Variants in SMYD3 observed in about 807,000 individuals in gnomAD.
SMYD3 encodes the protein SET and MYND domain containing 3.
SMYD3 carries 36 observed loss-of-function variants against 57.7 expected under a neutral mutation model. That is an observed-to-expected ratio of 0.62 (90% CI 0.48 to 0.82). SMYD3 has a LOEUF of 0.82. Ranked by LOEUF, SMYD3 falls within the 40% of genes least tolerant of loss-of-function variation. SMYD3 has a pLI of 0.00. For missense variants in SMYD3, 515 were observed against 538.8 expected (o/e 0.96, Z 0.44); for synonymous variants, 211 against 195.0 (o/e 1.08, Z -0.68).
chr1:246,022,178 A>G (rs549416467), intron 5 of SMYD3, among the ~76,000 whole-genome samples: 6 of 152,358 alleles, frequency 3.9e-5, no homozygotes, highest in Admixed American at 3.9e-4. Flanking sequence ...GTCCCTCTAC[A>G]GAGAGGCCAT....
At chr1:246,225,061 A>G (rs773323050) in intron 5 of SMYD3, among the ~76,000 whole-genome samples, 1 of 151,760 alleles carries the variant, frequency 6.6e-6, no homozygotes, top group Non-Finnish European at 1.5e-5. Flanking sequence ...TTTTTTTAGT[A>G]TATTGGCATC....
At chr1:246,078,657 G>C (rs2060586447) in intron 5 of SMYD3, among the ~76,000 whole-genome samples, 1 of 152,198 alleles carries the variant, frequency 6.6e-6, no homozygotes, top group Non-Finnish European at 1.5e-5. Flanking sequence ...ACAACTGCAA[G>C]CACAGAAGCC....
chr1:246,119,553 C>T (rs1430521156), intron 5 of SMYD3, among the ~76,000 whole-genome samples: 2 of 152,038 alleles, frequency 1.3e-5, no homozygotes, highest in Non-Finnish European at 2.9e-5. Context: ...GCTGAGACTA[C>T]AGGCATATGC....
chr1:246,419,758 T>C (rs2067115219), intron 1 of SMYD3, among the ~76,000 whole-genome samples: 1 of 152,248 alleles, frequency 6.6e-6, no homozygotes, highest in African/African-American at 2.4e-5. Flanking sequence ...ATGCTCCTTA[T>C]GAGAATCTAA....
chr1:246,462,732 TTAGA>T (rs897984381), intron 1 of SMYD3, among the ~76,000 whole-genome samples: 2 of 152,156 alleles, frequency 1.3e-5, no homozygotes, highest in African/African-American at 4.8e-5. Context: ...CAGAGAAATC[TTAGA>T]TAGCTCACTC....
intron 5 of SMYD3, among the ~76,000 whole-genome samples, chr1:246,050,011 AG>A (rs1277063372): frequency 9.2e-5 from 14 of 152,260 alleles, no homozygotes; most frequent in African/African-American, 3.1e-4. Flanking sequence ...AGTACCATTT[AG>A]TATTAGTCTG....
chr1:246,021,399 C>T (rs2059468574), intron 5 of SMYD3, among the ~76,000 whole-genome samples: 1 of 152,108 alleles, frequency 6.6e-6, no homozygotes, highest in Admixed American at 6.5e-5. Flanking sequence ...TCCTGATCAC[C>T]CACACTGCGC....
chr1:245,753,638 A>G (rs1302877700), intron 11 of SMYD3, among the ~76,000 whole-genome samples: 1 of 145,036 alleles, frequency 6.9e-6, no homozygotes, highest in Non-Finnish European at 1.5e-5. Flanking sequence ...TGGGGCAGAC[A>G]GTCCTCAACG....
chr1:246,343,721 G>A (rs934536814), intron 2 of SMYD3, among the ~76,000 whole-genome samples: 2 of 152,178 alleles, frequency 1.3e-5, no homozygotes, highest in Admixed American at 1.3e-4. Context: ...TGTTGAATTT[G>A]ATGCTAAGAT....
chr1:245,939,729 G>A (rs1324091173), intron 5 of SMYD3, among the ~76,000 whole-genome samples: 1 of 152,178 alleles, frequency 6.6e-6, no homozygotes. Flanking sequence ...CTCTTCTCTA[G>A]TGTCTGCCTT....
chr1:245,795,716 C>T (rs1478294166), intron 10 of SMYD3, among the ~76,000 whole-genome samples: 1 of 152,162 alleles, frequency 6.6e-6, no homozygotes, highest in African/African-American at 2.4e-5. Context: ...GCTATCTCTT[C>T]AGTTCTCTGG....
chr1:246,003,128 T>C lies in SMYD3; in HGVS notation c.532-73191A>G, dbSNP rs551678366. Among the ~76,000 whole-genome samples the C allele has an allele frequency of 6.1e-4, 93 of 152,176 alleles. 1 individual carries two copies. Among genetic ancestry groups the C allele is most frequent in the African/African-American group, 2.2e-3 (91 of 41,502 alleles). On this transcript the variant is annotated intron_variant, in intron 5 of 11. Coordinates refer to ENST00000490107, the MANE Select transcript of SMYD3 (RefSeq NM_001167740.2). ...ATGGAAGAGGCGGAGGGAAAGACGG[T>C]AAAGGGGCGAAGAAATGCCAAGTGA...
At chr1:246,208,749 T>C (rs148559195) in intron 5 of SMYD3, among the ~76,000 whole-genome samples, 4 of 152,266 alleles carry the variant, frequency 2.6e-5, no homozygotes, top group Admixed American at 1.3e-4. Context: ...GGCACTTCCA[T>C]AGCATCCAAG....
intron 10 of SMYD3, among the ~76,000 whole-genome samples, chr1:245,821,728 T>C: frequency 6.6e-6 from 1 of 151,798 alleles, no homozygotes; most frequent in Admixed American, 6.6e-5. Flanking sequence ...CATCAAAAAG[T>C]GGGCAAAGGA....
At chr1:245,785,657 G>A (rs2047008304) in intron 10 of SMYD3, among the ~76,000 whole-genome samples, 1 of 151,976 alleles carries the variant, frequency 6.6e-6, no homozygotes, top group Admixed American at 6.6e-5. Flanking sequence ...GAGAGAGAGA[G>A]AGAGTGCGTG....
In SMYD3 at chr1:245,749,613, C is replaced by T. The variant is rs543248634; in HGVS notation, c.1237G>A (p.Asp413Asn). 1 of 1,614,068 alleles carries T rather than the reference C, an allele frequency of 6.2e-7. No homozygotes were observed. The highest frequency in any genetic ancestry group is 1.3e-5 in the African/African-American group (1 of 74,924). The change falls in exon 12 of 12, where the codon GAT (aspartate) becomes AAT (asparagine). Residue 413 changes from aspartate (D) to asparagine (N), a missense_variant. Asp to Asn is a conservative substitution (Grantham distance 23, BLOSUM62 1). Transcript: ENST00000490107. ...THGREHSLIE[D>N]LILLLEECDA... ...CATTCTTCTAAAAGTAGAATCAAAT[C>T]TTCAATCAGGCTGTGTTCTCTGCCA...
At chr1:245,924,693 C>A (rs1334701394) in intron 7 of SMYD3, among the ~76,000 whole-genome samples, 1 of 139,420 alleles carries the variant, frequency 7.2e-6, no homozygotes, top group South Asian at 2.4e-4. Flanking sequence ...GATGGAGTTT[C>A]ACTCTGTCGC....
intron 10 of SMYD3, among the ~76,000 whole-genome samples, chr1:245,817,217 C>T (rs1021098161): frequency 3.4e-5 from 5 of 146,242 alleles, no homozygotes; most frequent in East Asian, 2.0e-4. Flanking sequence ...GGCAGACTGC[C>T]TCCTCAAGTG....
chr1:246,356,239 A>G (rs1171319987), intron 1 of SMYD3, among the ~76,000 whole-genome samples: 1 of 152,162 alleles, frequency 6.6e-6, no homozygotes, highest in Non-Finnish European at 1.5e-5. Context: ...TCCCTGGGGG[A>G]GGAGGGAGAA....
Sources: allele counts gnomAD v4.1 joint callset (sites outside exome capture counted in the v4.1 genomes callset), GRCh38; gene constraint gnomAD v4.1.1; transcripts MANE v1.5; gene names NCBI Gene and HGNC (gene_info 2026-07-23, HGNC 2026-07-21).